Variants in SEPTIN9 observed in about 807,000 individuals in gnomAD.
SEPTIN9 encodes the protein septin 9, also known as septin-9.
SEPTIN9 carries 13 observed loss-of-function variants against 56.6 expected under a neutral mutation model. The observed-to-expected ratio is 0.23, with a 90% CI of 0.15 to 0.37. The LOEUF is 0.37. Ranked by LOEUF, SEPTIN9 falls within the 10% of genes least tolerant of loss-of-function variation. The pLI is 1.00. For synonymous variants in SEPTIN9, 332 were observed against 334.1 expected, an observed-to-expected ratio of 0.99 and a Z score of 0.07; for missense variants, 650 against 823.1, an observed-to-expected ratio of 0.79 and a Z score of 2.57.
At chr17:77,473,744 C>T (rs1039999283) in intron 3 of SEPTIN9, among the ~76,000 whole-genome samples, 1 of 152,212 alleles carries the variant, frequency 6.6e-6, no homozygotes. Flanking sequence ...AATAAATGAA[C>T]TTCAAATTCC....
chr17:77,359,470 T>C (rs2034349574), intron 2 of SEPTIN9, among the ~76,000 whole-genome samples: 1 of 152,222 alleles, frequency 6.6e-6, no homozygotes, highest in South Asian at 2.1e-4. Flanking sequence ...TGCTCTTTCA[T>C]CCTGGAGCTG....
intron 1 of SEPTIN9, among the ~76,000 whole-genome samples, chr17:77,304,492 G>C (rs759483549): frequency 2.6e-5 from 4 of 152,158 alleles, no homozygotes; most frequent in Admixed American, 1.3e-4. Flanking sequence ...TATTTAACCT[G>C]GATGGAACCT....
chr17:77,342,198 T>A (rs1166001453), intron 2 of SEPTIN9, among the ~76,000 whole-genome samples: 1 of 152,078 alleles, frequency 6.6e-6, no homozygotes, highest in African/African-American at 2.4e-5. Flanking sequence ...AGAGACACAG[T>A]GTTAACATGT....
At position 77,435,032 on chromosome 17, in the gene SEPTIN9, C is replaced by A. The variant is rs762084756; in HGVS notation, c.721+32329C>A. ...TGGTAACAAGGGCTTCCTGAGGACC[C>A]CGAGCTGTCTTAAGGGCTCTTTACC... On this transcript the variant is annotated intron_variant, in intron 3 of 11. Coordinates refer to ENST00000427177, the MANE Select transcript of SEPTIN9 (RefSeq NM_001113491.2). The surrounding 1 kb of genome is among the most constrained non-coding windows in gnomAD (Gnocchi z 4.5). Among the ~76,000 whole-genome samples the A allele has an allele frequency of 5.4e-4, 82 of 152,258 alleles. No homozygotes were observed. Among genetic ancestry groups the A allele is most frequent in the Non-Finnish European group, 1.0e-3 (70 of 68,006 alleles).
intron 3 of SEPTIN9, among the ~76,000 whole-genome samples, chr17:77,438,369 G>A (rs1005380825): frequency 2.6e-5 from 4 of 152,188 alleles, no homozygotes; most frequent in African/African-American, 9.7e-5. Flanking sequence ...TCTCCCTCCA[G>A]GACCTATGTC....
intron 2 of SEPTIN9, among the ~76,000 whole-genome samples, chr17:77,315,158 G>A (rs568564645): frequency 1.1e-4 from 16 of 152,322 alleles, no homozygotes; most frequent in African/African-American, 2.6e-4. Flanking sequence ...GGGCCGGGCC[G>A]TGTTCTGGGG....
At chr17:77,336,309 A>T (rs1598211337) in intron 2 of SEPTIN9, among the ~76,000 whole-genome samples, 1 of 152,320 alleles carries the variant, frequency 6.6e-6, no homozygotes, top group Admixed American at 6.5e-5. Context: ...TTGAATCTGT[A>T]GATCAATTAA....
chr17:77,390,600 C>T (rs1386022616), intron 2 of SEPTIN9, among the ~76,000 whole-genome samples: 5 of 151,584 alleles, frequency 3.3e-5, no homozygotes, highest in East Asian at 2.0e-4. Flanking sequence ...TACAGGCGCC[C>T]GCCACCACGC....
chr17:77,481,988 G>A (rs935785865), intron 3 of SEPTIN9, 156 bp from the exon 4 acceptor site: 21 of 673,654 alleles, frequency 3.1e-5, no homozygotes, highest in Non-Finnish European at 3.5e-5. Flanking sequence ...ACATCCACCC[G>A]GGGGAATTCT....
intron 3 of SEPTIN9, chr17:77,447,124 A>T (rs2144378637): frequency 6.0e-6 from 1 of 167,202 alleles, no homozygotes; most frequent in East Asian, 1.9e-4. Context: ...CATTTTTAAT[A>T]AGTGCAATTC....
Position 77,492,264 on chromosome 17 carries a change from C to A in SEPTIN9, c.1381-357C>A, listed in dbSNP as rs2040063016. ...ACTGCAGGCGGGGCCCCTGCTGGAACTGGGGACTGTGACGAGGGTTTTTTA... is the reference window on the plus strand; with the variant it reads ...ACTGCAGGCGGGGCCCCTGCTGGAAATGGGGACTGTGACGAGGGTTTTTTA... On this transcript the variant is annotated intron_variant, in intron 8 of 11. Coordinates refer to ENST00000427177, the MANE Select transcript of SEPTIN9 (RefSeq NM_001113491.2). This position sits in a 1 kb window ranked among gnomAD's most constrained non-coding sequence, Gnocchi z 5.4. 6.6e-6 allele frequency among the ~76,000 whole-genome samples: 1 copy of A among 152,152 alleles called. No homozygotes were observed. The highest frequency in any genetic ancestry group is 1.5e-5 in the Non-Finnish European group (1 of 68,016).
intron 2 of SEPTIN9, among the ~76,000 whole-genome samples, chr17:77,392,360 AC>A (rs1568033174): frequency 1.3e-5 from 2 of 151,486 alleles, no homozygotes; most frequent in East Asian, 1.9e-4. Flanking sequence ...CTGGGTGCTG[AC>A]CCCCCTGGTG....
At chr17:77,399,059 C>T (rs151258858) in intron 2 of SEPTIN9, among the ~76,000 whole-genome samples, 1 of 152,334 alleles carries the variant, frequency 6.6e-6, no homozygotes, top group East Asian at 1.9e-4. Flanking sequence ...ACGCAGACAA[C>T]TGGAGGAAGG....
intron 3 of SEPTIN9, among the ~76,000 whole-genome samples, chr17:77,465,457 G>A (rs1228562989): frequency 6.6e-6 from 1 of 152,230 alleles, no homozygotes; most frequent in Non-Finnish European, 1.5e-5. Context: ...GCCAGGTGCT[G>A]CGAGTCCGTG....
At chr17:77,311,078 TGG>T (rs2032473028) in intron 2 of SEPTIN9, among the ~76,000 whole-genome samples, 1 of 152,006 alleles carries the variant, frequency 6.6e-6, no homozygotes, top group African/African-American at 2.4e-5. Context: ...TGGATTAGGG[TGG>T]GCCCTAAATC....
intron 3 of SEPTIN9, chr17:77,442,171 C>T (rs530353642): frequency 6.6e-6 from 1 of 152,126 alleles, no homozygotes; most frequent in African/African-American, 2.4e-5. Context: ...AGATTAGACT[C>T]CTTGTTCCAC....
At chr17:77,403,519 C>T (rs2035971759) in intron 3 of SEPTIN9, among the ~76,000 whole-genome samples, 1 of 152,188 alleles carries the variant, frequency 6.6e-6, no homozygotes, top group African/African-American at 2.4e-5. Context: ...GACACAGGGC[C>T]TGTTTGGAAA....
At chr17:77,290,910 C>G (rs1042958658) in intron 1 of SEPTIN9, among the ~76,000 whole-genome samples, 1 of 151,082 alleles carries the variant, frequency 6.6e-6, no homozygotes, top group African/African-American at 2.4e-5. Flanking sequence ...CTGTGTTGCC[C>G]AGGTTGGAGT....
rs1382475962 is a variant in SEPTIN9 at position 77,453,076 on chromosome 17, G to A, written c.722-29068G>A. Among the ~76,000 whole-genome samples, 1 of 151,606 alleles carries A rather than the reference G, an allele frequency of 6.6e-6. No homozygotes were observed. The highest frequency in any genetic ancestry group is 2.4e-5 in the African/African-American group (1 of 41,228). ...GGGGTGGCTGAGACACTATTGCATT[G>A]GCCACTTTGTGTTCCCACTAGCCCC... On this transcript the variant is annotated intron_variant, in intron 3 of 11. Coordinates refer to ENST00000427177, the MANE Select transcript of SEPTIN9 (RefSeq NM_001113491.2). The surrounding 1 kb of genome is among the most constrained non-coding windows in gnomAD (Gnocchi z 4.4).
Sources: gnomAD v4.1 joint callset for allele counts (sites outside exome capture counted in the v4.1 genomes callset) on GRCh38, gnomAD v4.1.1 for gene constraint, Gnocchi (gnomAD v3.1) non-coding constraint, MANE v1.5 for transcripts, NCBI Gene and HGNC (gene_info 2026-07-23, HGNC 2026-07-21) for gene names.